Variants in CDC45 observed in about 807,000 individuals in gnomAD.
The protein encoded by CDC45 is cell division control protein 45 homolog.
Under a neutral mutation model 77.8 loss-of-function variants are expected in CDC45, and 54 were observed. The ratio of observed to expected loss-of-function variants is 0.69; its 90% CI spans 0.56 to 0.87. The LOEUF (loss-of-function observed/expected upper bound fraction) is 0.87. Among genes scored for constraint, CDC45 ranks in the 40% least tolerant of loss-of-function variants. The pLI is 0.00. For missense variants in CDC45, 649 were observed against 721.6 expected (o/e 0.90, Z 1.15); for synonymous variants, 260 against 272.1 (o/e 0.96, Z 0.44).
chr22:19,490,303 A>T (rs1238095537), intron 5 of CDC45, among the ~76,000 whole-genome samples: 1 of 152,080 alleles, frequency 6.6e-6, no homozygotes, highest in Non-Finnish European at 1.5e-5. Flanking sequence ...GTTAGGGCTT[A>T]AGTCTGACAT....
At chr22:19,518,067 T>C (rs1222085043) in intron 17 of CDC45, among the ~76,000 whole-genome samples, 3 of 152,206 alleles carry the variant, frequency 2.0e-5, no homozygotes, top group African/African-American at 7.2e-5. Flanking sequence ...CTGTGTGGCA[T>C]TGGTTCACCC....
At chr22:19,500,850 G>A (rs918450202) in intron 9 of CDC45, among the ~76,000 whole-genome samples, 1 of 152,134 alleles carries the variant, frequency 6.6e-6, no homozygotes, top group African/African-American at 2.4e-5. Flanking sequence ...GTCTGTTACT[G>A]CACAGTGGAC....
intron 17 of CDC45, 63 bp from the exon 18 acceptor site, chr22:19,518,781 C>T: frequency 2.2e-6 from 3 of 1,362,696 alleles, no homozygotes; most frequent in Non-Finnish European, 3.2e-6. Flanking sequence ...GAGGGGAGTT[C>T]TGTGCCCTGT....
In CDC45 at chr22:19,509,942, A is replaced by G. The variant is rs773433636; in HGVS notation, c.1217+1251A>G. Among the ~76,000 whole-genome samples the G allele has an allele frequency of 1.2e-3, 187 of 152,092 alleles. 1 individual carries two copies. Among genetic ancestry groups the G allele is most frequent in the Non-Finnish European group, 2.4e-3 (160 of 68,012 alleles). ...ACAATTCACCCATTTAAAATGTACA[A>G]TGTGATGGCTTTTATTTATTTTATT... On this transcript the variant is annotated intron_variant, in intron 13 of 18. Transcript: ENST00000263201.
At chr22:19,479,489 G>C (rs2089935885), upstream of CDC45, 1 of 599,156 alleles carries the variant, frequency 1.7e-6, no homozygotes, top group African/African-American at 1.8e-5. Context: ...TTCAGCCATC[G>C]AGGACTCGGG....
At chr22:19,493,746 T>G (rs2090193741) in intron 5 of CDC45, among the ~76,000 whole-genome samples, 1 of 152,146 alleles carries the variant, frequency 6.6e-6, no homozygotes, top group African/African-American at 2.4e-5. Context: ...CAGCCTTACT[T>G]TGTTTGATCT....
chr22:19,504,520 A>C (rs767565188), intron 9 of CDC45, among the ~76,000 whole-genome samples: 5 of 152,042 alleles, frequency 3.3e-5, no homozygotes, highest in Non-Finnish European at 7.4e-5. Context: ...GCTGGTCTCA[A>C]ATTCCTGCCC....
chr22:19,483,110 C>T (rs2090010024), intron 4 of CDC45, among the ~76,000 whole-genome samples: 1 of 152,132 alleles, frequency 6.6e-6, no homozygotes, highest in African/African-American at 2.4e-5. Context: ...GCCACCACGC[C>T]CAGCAAATAT....
chr22:19,505,617 G>C (rs1294550886), intron 10 of CDC45, 136 bp downstream of exon 10: 2 of 927,312 alleles, frequency 2.2e-6, no homozygotes, highest in Admixed American at 4.4e-5. Context: ...TTGGGGGAAG[G>C]GGCTGTGGTG....
chr22:19,493,732 C>T (rs2090193572), intron 5 of CDC45, among the ~76,000 whole-genome samples: 4 of 152,188 alleles, frequency 2.6e-5, no homozygotes, highest in African/African-American at 7.2e-5. Flanking sequence ...TGAGCCACTG[C>T]GCCCAGCCTT....
intron 7 of CDC45, among the ~76,000 whole-genome samples, chr22:19,497,078 A>G (rs2090255449): frequency 6.6e-6 from 1 of 152,224 alleles, no homozygotes; most frequent in Non-Finnish European, 1.5e-5. Context: ...GGAGATACAA[A>G]GAGGCCCCAG....
At chr22:19,507,324 G>T in intron 10 of CDC45, 62 bp from the exon 11 acceptor site, 2 of 1,585,844 alleles carry the variant, frequency 1.3e-6, no homozygotes, top group South Asian at 2.2e-5. Flanking sequence ...CCACCTGCTG[G>T]AGTTACGAGA....
At chr22:19,509,201 T>C (rs1457033962) in intron 13 of CDC45, among the ~76,000 whole-genome samples, 4 of 152,202 alleles carry the variant, frequency 2.6e-5, no homozygotes, top group Non-Finnish European at 5.9e-5. Context: ...ACTGAATTTA[T>C]TTGGGAATTA....
chr22:19,489,600 G>A (rs1161780221), intron 5 of CDC45, among the ~76,000 whole-genome samples: 1 of 152,114 alleles, frequency 6.6e-6, no homozygotes, highest in Non-Finnish European at 1.5e-5. Context: ...TCAGCATTGT[G>A]CAGTTTTCAG....
At position 19,508,696 on chromosome 22, in the gene CDC45, C is replaced by T; in HGVS notation, c.1217+5C>T. ...GGCTCTGGACAGCCTCTCCAGGTAG[C>T]AGGAGGGCTGTGGGTTTGCCTCATG... On this transcript the variant is annotated splice_donor_5th_base_variant and intron_variant, in intron 13 of 18. Transcript: ENST00000263201. The T allele has an allele frequency of 1.9e-6, 3 of 1,613,374 alleles. No homozygotes were observed. The highest frequency in any genetic ancestry group is 2.7e-5 in the African/African-American group (2 of 75,028).
At chr22:19,489,678 G>T (rs779616683) in intron 5 of CDC45, among the ~76,000 whole-genome samples, 1 of 152,044 alleles carries the variant, frequency 6.6e-6, no homozygotes, top group Admixed American at 6.6e-5. Context: ...TTATTTCTGC[G>T]TGCTAGCCAT....
chr22:19,483,984 G>A lies in CDC45; in HGVS notation c.465G>A (p.Glu155=). 2 of 1,609,350 alleles carry A rather than the reference G, an allele frequency of 1.2e-6. No individual in the cohort carries two copies. Among genetic ancestry groups the A allele is most frequent in the Non-Finnish European group, 1.7e-6 (2 of 1,179,036 alleles). ...GNDSDGSEPS[E]KRTRLEEEIV... is the part of the protein sequence containing the mutation. ...ACAGTGATGGGTCAGAGCCTTCTGA[G>A]AAGCGCACACGGTTAGAAGAGGTGA... The change falls in exon 5 of 19, where the codon GAG becomes GAA. Residue 155 remains glutamate, a synonymous_variant. Transcript: ENST00000263201.
chr22:19,494,217 C>T, intron 5 of CDC45, 110 bp from the exon 6 acceptor site: 1 of 882,180 alleles, frequency 1.1e-6, no homozygotes, highest in Non-Finnish European at 1.9e-6. Context: ...CGTGTTCTCT[C>T]TCAGGGGTCT....
chr22:19,499,563 G>A (rs1361605322), intron 9 of CDC45, among the ~76,000 whole-genome samples: 1 of 152,150 alleles, frequency 6.6e-6, no homozygotes, highest in East Asian at 1.9e-4. Flanking sequence ...CCAAGCAGTA[G>A]GGGTTTGACC....
Sources: allele counts gnomAD v4.1 joint callset (sites outside exome capture counted in the v4.1 genomes callset), GRCh38; gene constraint gnomAD v4.1.1; transcripts MANE v1.5; gene names NCBI Gene and HGNC (gene_info 2026-07-23, HGNC 2026-07-21).